The following MSRA variants were observed in gnomAD, a reference collection of about 807,000 sequenced individuals.
The protein encoded by MSRA is methionine sulfoxide reductase A.
In MSRA, 54 loss-of-function variants were observed where a neutral mutation model predicts 31.3. That is an observed-to-expected ratio of 1.73 (90% CI 1.39 to 2.17). The LOEUF (loss-of-function observed/expected upper bound fraction) is 2.17, where lower values mean the gene tolerates loss of function less well. Ranked by LOEUF, MSRA falls within the 30% of genes most tolerant of loss-of-function variation. The probability of loss-of-function intolerance (pLI) is 0.00; values close to 1 mark genes in which losing one functional copy is unlikely to be tolerated. For synonymous variants in MSRA, 169 were observed against 116.5 expected (o/e 1.45, Z -2.90); for missense variants, 507 against 300.9 (o/e 1.69, Z -5.07).
intron 1 of MSRA, among the ~76,000 whole-genome samples, chr8:10,103,481 G>T (rs561067048): frequency 6.6e-6 from 1 of 152,152 alleles, no homozygotes; most frequent in Non-Finnish European, 1.5e-5. Flanking sequence ...TCTAAAGGTT[G>T]ACTTTTCCTA....
At chr8:10,238,120 C>G (rs1585242617) in intron 2 of MSRA, among the ~76,000 whole-genome samples, 1 of 152,192 alleles carries the variant, frequency 6.6e-6, no homozygotes, top group Non-Finnish European at 1.5e-5. Context: ...TTATTCCACT[C>G]AAGCCACACT....
intron 1 of MSRA, among the ~76,000 whole-genome samples, chr8:10,163,212 T>G (rs1203573642): frequency 6.6e-6 from 1 of 152,108 alleles, no homozygotes; most frequent in Non-Finnish European, 1.5e-5. Flanking sequence ...GAAATACACT[T>G]GTGGTGTTCA....
rs1801944954 is a variant in MSRA at position 10,319,894 on chromosome 8, G to A, written c.448G>A (p.Gly150Arg). Residue 150 changes from glycine (G) to arginine (R), a missense_variant, in exon 5 of 6, where the codon GGG becomes AGG. Transcript: ENST00000317173. ...TTCTGCTTTCCTAGGTATGCGCCAG[G>A]GGAACGACCATGGCACTCAGTACCG... is the stretch of plus-strand genomic sequence containing the variant. Reference protein sequence around the residue: ...NHDPTQGMRQGNDHGTQYRSA... With the variant: ...NHDPTQGMRQRNDHGTQYRSA... 3 of 1,553,226 alleles carry A rather than the reference G, an allele frequency of 1.9e-6. No homozygotes were observed. The highest frequency in any genetic ancestry group is 1.4e-5 in the African/African-American group (1 of 72,772).
chr8:10,147,514 G>A (rs1356506082), intron 1 of MSRA, among the ~76,000 whole-genome samples: 1 of 152,190 alleles, frequency 6.6e-6, no homozygotes, highest in African/African-American at 2.4e-5. Flanking sequence ...ATATAACCCT[G>A]CCTGGGAAGT....
At chr8:10,366,561 G>T (rs2129168011) in intron 5 of MSRA, among the ~76,000 whole-genome samples, 1 of 152,306 alleles carries the variant, frequency 6.6e-6, no homozygotes, top group Non-Finnish European at 1.5e-5. Flanking sequence ...GTGATCTTTT[G>T]GTCTGGTTTG....
At chr8:10,088,776 G>C (rs1798702362) in intron 1 of MSRA, among the ~76,000 whole-genome samples, 1 of 152,116 alleles carries the variant, frequency 6.6e-6, no homozygotes, top group Admixed American at 6.5e-5. Flanking sequence ...AGGACCATGT[G>C]ATATATGTAT....
At chr8:10,375,104 A>T (rs1333334523) in intron 5 of MSRA, among the ~76,000 whole-genome samples, 1 of 152,340 alleles carries the variant, frequency 6.6e-6, no homozygotes, top group East Asian at 1.9e-4. Flanking sequence ...TATTTTCTTT[A>T]TAAATTACCC....
intron 3 of MSRA, among the ~76,000 whole-genome samples, chr8:10,268,949 TG>T (rs1470470937): frequency 6.6e-6 from 1 of 152,226 alleles, no homozygotes; most frequent in Non-Finnish European, 1.5e-5. Flanking sequence ...TTTAGTTTTC[TG>T]GAGAAGATGC....
intron 5 of MSRA, among the ~76,000 whole-genome samples, chr8:10,423,297 C>G (rs17149344): frequency 0.029 from 4,378 of 152,264 alleles, 128 homozygotes; most frequent in Middle Eastern, 0.11. Context: ...TCCATCTGCT[C>G]CAATTCGTTA....
intron 3 of MSRA, among the ~76,000 whole-genome samples, chr8:10,284,808 C>A (rs1799847743): frequency 6.6e-6 from 1 of 152,060 alleles, no homozygotes; most frequent in Non-Finnish European, 1.5e-5. Flanking sequence ...ATGAAAATAG[C>A]TCTTATTGGC....
chr8:10,123,557 A>C (rs1346788619), intron 1 of MSRA, among the ~76,000 whole-genome samples: 1 of 152,096 alleles, frequency 6.6e-6, no homozygotes. Flanking sequence ...CTTTTGTTGC[A>C]ATTGCTTTTG....
chr8:10,193,135 C>T (rs1180897545), intron 1 of MSRA, among the ~76,000 whole-genome samples: 1 of 152,220 alleles, frequency 6.6e-6, no homozygotes, highest in East Asian at 1.9e-4. Flanking sequence ...AAGGCCTATG[C>T]TGAAGTCTTC....
intron 3 of MSRA, among the ~76,000 whole-genome samples, chr8:10,283,755 T>A (rs1056699141): frequency 2.7e-5 from 4 of 145,614 alleles, no homozygotes; most frequent in African/African-American, 1.0e-4. Flanking sequence ...CAGGTTGCTG[T>A]GAATGCCATT....
At chr8:10,271,636 C>T (rs1799044298) in intron 3 of MSRA, among the ~76,000 whole-genome samples, 1 of 116,620 alleles carries the variant, frequency 8.6e-6, no homozygotes, top group Non-Finnish European at 1.9e-5. Context: ...AGTCAATTTG[C>T]ATTACAAAGG....
At chr8:10,117,075 A>T (rs531485404) in intron 1 of MSRA, among the ~76,000 whole-genome samples, 1 of 152,202 alleles carries the variant, frequency 6.6e-6, no homozygotes. Context: ...GCCCAGAGCA[A>T]CTATGCAGGA....
intron 1 of MSRA, among the ~76,000 whole-genome samples, chr8:10,166,727 A>G (rs895082859): frequency 2.6e-5 from 4 of 152,014 alleles, no homozygotes; most frequent in Admixed American, 2.6e-4. Flanking sequence ...ACTCTGTGAC[A>G]TTTTTACCAT....
At chr8:10,177,427 T>C (rs991627453) in intron 1 of MSRA, among the ~76,000 whole-genome samples, 2 of 152,208 alleles carry the variant, frequency 1.3e-5, no homozygotes, top group Admixed American at 6.5e-5. Context: ...TTTAAAAGAT[T>C]CTTGAGCTTT....
At chr8:10,069,868 TG>T (rs986950529) in intron 1 of MSRA, among the ~76,000 whole-genome samples, 1 of 152,252 alleles carries the variant, frequency 6.6e-6, no homozygotes, top group Non-Finnish European at 1.5e-5. Context: ...TTCTTTTTAA[TG>T]GCTGCATGAA....
Position 10,267,564 on chromosome 8 carries a change from A to G in MSRA, c.331+22341A>G, listed in dbSNP as rs140262883. 2.9e-3 allele frequency among the ~76,000 whole-genome samples: 440 copies of G among 152,230 alleles called. 2 individuals carry two copies. Among genetic ancestry groups the G allele is most frequent in the South Asian group, 0.012 (56 of 4,814 alleles). On this transcript the variant is annotated intron_variant, in intron 3 of 5. Coordinates refer to ENST00000317173, the MANE Select transcript of MSRA (RefSeq NM_012331.5). ...GGGGCAAGTGGATTTGTCCCGGGGA[A>G]TTACTATGGGTCCTAGTATTTAGCC...
Sources: gnomAD v4.1 joint callset for allele counts (sites outside exome capture counted in the v4.1 genomes callset) on GRCh38, gnomAD v4.1.1 for gene constraint, MANE v1.5 for transcripts, NCBI Gene and HGNC (gene_info 2026-07-23, HGNC 2026-07-21) for gene names.